Variants in KANK1 observed in about 807,000 individuals in gnomAD.
KANK1 encodes KN motif and ankyrin repeat domain-containing protein 1.
KANK1 carries 109 observed loss-of-function variants against 106.2 expected under a neutral mutation model. That is an observed-to-expected ratio of 1.03 (90% CI 0.88 to 1.20). KANK1 has a LOEUF of 1.20. Ranked by LOEUF, KANK1 falls within the 50% of genes most tolerant of loss-of-function variation. The pLI, the probability that KANK1 is intolerant of heterozygous loss-of-function variation, is 0.00. For missense variants in KANK1, 2,399 were observed against 1,710.7 expected, an observed-to-expected ratio of 1.40 and a Z score of -7.10; for synonymous variants, 873 against 652.2, an observed-to-expected ratio of 1.34 and a Z score of -5.16.
chr9:689,697 A>G (rs1052796406), intron 2 of KANK1, among the ~76,000 whole-genome samples: 54 of 152,132 alleles, frequency 3.5e-4, no homozygotes, highest in Admixed American at 3.5e-3. Flanking sequence ...TGCAGCTCAC[A>G]GTGTAGGTCT....
rs1270436908 is a variant in KANK1, at chr9:712,812, G to A, written c.2046G>A (p.Gln682=). ...DTSTDLEQVH[Q]FTNTETATLI... ...GCACAGATTTGGAACAGGTGCACCA[G>A]TTCACCAACACCGAGACGGCCACCC... Residue 682 remains glutamine, a synonymous_variant, in exon 3 of 12, where the codon CAG becomes CAA. Coordinates refer to ENST00000382297, the MANE Select transcript of KANK1 (RefSeq NM_015158.5). 1.2e-6 allele frequency: 2 copies of A among 1,613,890 alleles called. No individual in the cohort carries two copies. The highest frequency in any genetic ancestry group is 1.7e-6 in the Non-Finnish European group (2 of 1,179,944).
At chr9:515,376 A>C (rs2059237069) in intron 1 of KANK1, among the ~76,000 whole-genome samples, 1 of 151,490 alleles carries the variant, frequency 6.6e-6, no homozygotes, top group South Asian at 2.1e-4. Context: ...AAGCCAGTTA[A>C]AGAATTCATC....
chr9:540,172 G>A (rs759208177), intron 1 of KANK1, among the ~76,000 whole-genome samples: 7 of 152,190 alleles, frequency 4.6e-5, no homozygotes, highest in Non-Finnish European at 1.0e-4. Flanking sequence ...CTACGGGCAT[G>A]CCGTATGTGG....
chr9:582,762 T>G (rs1003811205), intron 1 of KANK1, among the ~76,000 whole-genome samples: 1 of 152,220 alleles, frequency 6.6e-6, no homozygotes, highest in Non-Finnish European at 1.5e-5. Flanking sequence ...TGAATGCCTC[T>G]TCATCTAGAA....
intron 1 of KANK1, among the ~76,000 whole-genome samples, chr9:567,666 A>G (rs886074497): frequency 2.0e-5 from 3 of 152,240 alleles, no homozygotes; most frequent in Non-Finnish European, 4.4e-5. Context: ...ATGTTTGGAA[A>G]TGTGAAACCA....
chr9:482,259 T>C (rs2058218211), intron 3 of KANK1, among the ~76,000 whole-genome samples: 1 of 152,142 alleles, frequency 6.6e-6, no homozygotes, highest in Non-Finnish European at 1.5e-5. Context: ...CCAAGCAAAT[T>C]AATTGAATTT....
At chr9:675,279 G>A (rs1308042043) in intron 1 of KANK1, among the ~76,000 whole-genome samples, 1 of 152,134 alleles carries the variant, frequency 6.6e-6, no homozygotes, top group East Asian at 1.9e-4. Context: ...AGTGTATACA[G>A]ATATTATTTT....
intron 2 of KANK1, among the ~76,000 whole-genome samples, chr9:696,472 A>G (rs546115240): frequency 2.6e-5 from 4 of 152,278 alleles, no homozygotes; most frequent in African/African-American, 9.6e-5. Flanking sequence ...GTAGGGCTTT[A>G]CAAAAATGAG....
In KANK1 at chr9:745,251, CCTTTA is replaced by C. The variant is rs1212412354; in HGVS notation, c.*17_*21del. The C allele has an allele frequency of 6.2e-7, 1 of 1,613,732 alleles. No individual in the cohort carries two copies. The highest frequency in any genetic ancestry group is 8.5e-7 in the Non-Finnish European group (1 of 1,179,720). ...ATTTGATTGATTGTATGCAAATAGC[CCTTTA>C]TTTACATGCCACTATTAAGCTGCTA... On this transcript the variant is annotated 3_prime_UTR_variant, in exon 12 of 12. Coordinates refer to ENST00000382297, the MANE Select transcript of KANK1 (RefSeq NM_015158.5).
At chr9:705,945 T>C (rs2130645233) in intron 2 of KANK1, among the ~76,000 whole-genome samples, 1 of 152,222 alleles carries the variant, frequency 6.6e-6, no homozygotes, top group East Asian at 1.9e-4. Flanking sequence ...TGGGTGCTTA[T>C]AGTCTGGTAC....
At chr9:615,490 GA>G (rs1290530831) in intron 1 of KANK1, among the ~76,000 whole-genome samples, 1 of 152,070 alleles carries the variant, frequency 6.6e-6, no homozygotes. Context: ...AGAAGAGGGG[GA>G]ATAATGTTGT....
At chr9:592,591 A>G (rs1310284130) in intron 1 of KANK1, among the ~76,000 whole-genome samples, 1 of 151,918 alleles carries the variant, frequency 6.6e-6, no homozygotes, top group African/African-American at 2.4e-5. Flanking sequence ...AGAAGAAATG[A>G]ATCAATATTA....
At chr9:676,245 AG>A (rs1302215989) in intron 1 of KANK1, among the ~76,000 whole-genome samples, 1 of 152,144 alleles carries the variant, frequency 6.6e-6, no homozygotes, top group Non-Finnish European at 1.5e-5. Flanking sequence ...TATTTTATCT[AG>A]CCCCTACTCA....
intron 1 of KANK1, among the ~76,000 whole-genome samples, chr9:561,438 T>C (rs1315217757): frequency 2.0e-5 from 3 of 152,224 alleles, no homozygotes; most frequent in Non-Finnish European, 4.4e-5. Flanking sequence ...ACAGTTACTT[T>C]GGTCATTTCC....
chr9:666,901 C>CTTTTTTTTTTTTT (rs35149316), intron 1 of KANK1, among the ~76,000 whole-genome samples: 21 of 53,486 alleles, frequency 3.9e-4, no homozygotes, highest in Admixed American at 1.0e-3. Context: ...CTATTGTTGT[C>CTTTTTTTTTTTTT]TTTTTTTTTT....
Position 672,610 on chromosome 9 carries a change from G to T in KANK1, c.-83-4280G>T, listed in dbSNP as rs144713469. On this transcript the variant is annotated intron_variant, in intron 1 of 11. Coordinates refer to ENST00000382297, the MANE Select transcript of KANK1 (RefSeq NM_015158.5). The stretch of plus-strand genomic sequence containing the variant: ...GATAGTGGCATTTGATAGTTTAGCA[G>T]TGCTAGAGTATATATCAAATCTCAA... Among the ~76,000 whole-genome samples the T allele has an allele frequency of 4.1e-3, 625 of 152,292 alleles. 6 individuals are homozygous for T. The highest frequency in any genetic ancestry group is 0.014 in the African/African-American group (563 of 41,558).
intron 1 of KANK1, among the ~76,000 whole-genome samples, chr9:536,629 C>T (rs982334864): frequency 6.6e-6 from 1 of 152,110 alleles, no homozygotes; most frequent in African/African-American, 2.4e-5. Context: ...TGTCTCTGAC[C>T]ACAGAAATAA....
At chr9:479,859 C>G (rs1000518241) in intron 3 of KANK1, among the ~76,000 whole-genome samples, 2 of 151,812 alleles carry the variant, frequency 1.3e-5, no homozygotes, top group Non-Finnish European at 2.9e-5. Context: ...TCTCTACTTG[C>G]AAGAAAATAA....
chr9:635,415 C>T (rs1195009722), intron 1 of KANK1, among the ~76,000 whole-genome samples: 3 of 152,150 alleles, frequency 2.0e-5, no homozygotes, highest in Non-Finnish European at 2.9e-5. Flanking sequence ...GCTCTCTATT[C>T]CTTCATGTGC....
Sources: gnomAD v4.1 joint callset for allele counts (sites outside exome capture counted in the v4.1 genomes callset) on GRCh38, gnomAD v4.1.1 for gene constraint, MANE v1.5 for transcripts, NCBI Gene and HGNC (gene_info 2026-07-23, HGNC 2026-07-21) for gene names.